CEP85: variants seen among roughly 807,000 people sequenced by gnomAD.
CEP85 encodes centrosomal protein 85.
In CEP85, 58 loss-of-function variants were observed where a neutral mutation model predicts 93.7. The observed-to-expected ratio is 0.62, with a 90% CI of 0.50 to 0.77. CEP85 has a LOEUF of 0.77. Ranked by LOEUF, CEP85 falls within the 30% of genes least tolerant of loss-of-function variation. The pLI, the probability that CEP85 is intolerant of heterozygous loss-of-function variation, is 0.00. For missense variants in CEP85, 868 were observed against 922.0 expected (o/e 0.94, Z 0.76); for synonymous variants, 314 against 338.6 (o/e 0.93, Z 0.80).
chr1:26,259,556 A>G (rs1218558513), intron 6 of CEP85, 61 bp from the exon 7 acceptor site: 2 of 1,411,608 alleles, frequency 1.4e-6, no homozygotes, highest in Non-Finnish European at 1.9e-6. Flanking sequence ...GCTGGGAATA[A>G]GTAAAGTACA....
Position 26,263,131 on chromosome 1 carries a change from C to T in CEP85, c.1341+3329C>T, listed in dbSNP as rs546585082. On this transcript the variant is annotated intron_variant, in intron 7 of 13. Coordinates refer to ENST00000451429, the MANE Select transcript of CEP85 (RefSeq NM_001319944.2). ...TTAGTTCCTGGGATGTTTTACAGTA[C>T]TCTGTCCAATCACATCTACATCTCT... The T allele has an allele frequency of 3.8e-5, 8 of 211,546 alleles. No individual in the cohort carries two copies. In the South Asian group the frequency reaches 6.9e-4, roughly 18 times the overall value. The allele number at this position is 211,546 out of a possible 1,614,324, so 13.1% of individuals were successfully genotyped here.
chr1:26,238,252 G>A (rs2089361355), intron 1 of CEP85, among the ~76,000 whole-genome samples: 2 of 131,614 alleles, frequency 1.5e-5, no homozygotes, highest in South Asian at 4.6e-4. Flanking sequence ...CCAGGCTGGA[G>A]TGCAATGGCG....
At chr1:26,236,529 A>G (rs1190097001) in intron 1 of CEP85, among the ~76,000 whole-genome samples, 1 of 152,060 alleles carries the variant, frequency 6.6e-6, no homozygotes, top group Non-Finnish European at 1.5e-5. Flanking sequence ...TGTCCCAAAA[A>G]TTTCCACCAG....
intron 1 of CEP85, 25 bp from the exon 2 acceptor site, chr1:26,239,737 G>C: frequency 7.3e-7 from 1 of 1,367,978 alleles, no homozygotes; most frequent in Non-Finnish European, 1.0e-6. Context: ...TCAGAGAACT[G>C]ACTGGTTATT....
Position 26,257,837 on chromosome 1 carries a change from C to G in CEP85, c.1037+107C>G, listed in dbSNP as rs1338405387. 7.2e-6 allele frequency: 9 copies of G among 1,254,800 alleles called. No homozygotes were observed. The African/African-American group carries it at 1.3e-4, about 19-fold the overall frequency. 77.7% of individuals were successfully genotyped at this position (1,254,800 alleles called of 1,614,324 possible). A position where few individuals can be genotyped will look rare whatever the true frequency, so the allele number is the denominator to read the frequency against. On this transcript the variant is annotated intron_variant, in intron 5 of 13. Coordinates refer to ENST00000451429, the MANE Select transcript of CEP85 (RefSeq NM_001319944.2). ...AAAGCATTCCTCCTCTGTTTAGGTC[C>G]ATGTCTTGCCTCATGGTGGAGGTAG... is the stretch of plus-strand genomic sequence containing the variant.
intron 9 of CEP85, among the ~76,000 whole-genome samples, chr1:26,269,954 T>A (rs2089950148): frequency 6.6e-6 from 1 of 151,984 alleles, no homozygotes; most frequent in South Asian, 2.1e-4. Flanking sequence ...GCCTGGCTAA[T>A]CTTTTTTGTA....
Position 26,277,212 on chromosome 1 carries a change from G to A in CEP85, c.2205G>A (p.Leu735=), listed in dbSNP as rs758251232. Reference sequence around the variant, plus strand: ...GGAAACTAGAAGAGGTTCAACAGCTGCGTCGTGACATTGAGGACTTAAGGA... The same window carrying A: ...GGAAACTAGAAGAGGTTCAACAGCTACGTCGTGACATTGAGGACTTAAGGA... The part of the protein sequence containing the change: ...IKRKLEEVQQ[L]RRDIEDLRTT... The change falls in exon 14 of 14, where the codon CTG becomes CTA. Residue 735 remains leucine (L), a synonymous_variant. Transcript: ENST00000451429. The A allele has an allele frequency of 1.3e-5, 21 of 1,614,008 alleles. No homozygotes were observed. In the African/African-American group the frequency reaches 2.8e-4, roughly 22 times the overall value.
chr1:26,263,763 A>G (rs2089849811), intron 7 of CEP85, among the ~76,000 whole-genome samples: 1 of 152,068 alleles, frequency 6.6e-6, no homozygotes, highest in Non-Finnish European at 1.5e-5. Context: ...CTTCTCTTTC[A>G]CCTGATATAT....
chr1:26,248,751 G>A (rs1447967973), intron 3 of CEP85, among the ~76,000 whole-genome samples: 1 of 43,058 alleles, frequency 2.3e-5, no homozygotes, highest in Non-Finnish European at 4.1e-5. Context: ...TTTTGAGACC[G>A]AGTCTCGCTC....
chr1:26,241,810 G>A (rs1220591938), intron 2 of CEP85, among the ~76,000 whole-genome samples: 2 of 150,554 alleles, frequency 1.3e-5, no homozygotes, highest in Admixed American at 1.3e-4. Context: ...GGCCCAGGCT[G>A]GAGTGCAGTG....
intron 7 of CEP85, among the ~76,000 whole-genome samples, chr1:26,266,133 C>T (rs563588266): frequency 1.1e-4 from 16 of 151,942 alleles, no homozygotes; most frequent in South Asian, 2.1e-4. Flanking sequence ...CGCTTGAACC[C>T]GGGAGGTGGA....
rs191069007 is a variant in CEP85 at position 26,268,109 on chromosome 1, C to T, written c.1342-374C>T. ...ATCCTAAATGGCAAAATTTGTTTAG[C>T]TTCCTACCTTCATTGCAGTAGAACA... On this transcript the variant is annotated intron_variant, in intron 7 of 13. Transcript: ENST00000451429. Among the ~76,000 whole-genome samples, 55 of 152,322 alleles carry T rather than the reference C, an allele frequency of 3.6e-4. No homozygotes were observed. In the Middle Eastern group the frequency reaches 0.014, roughly 38 times the overall value.
chr1:26,266,867 A>T (rs1201082040), intron 7 of CEP85, among the ~76,000 whole-genome samples: 1 of 152,262 alleles, frequency 6.6e-6, no homozygotes, highest in Non-Finnish European at 1.5e-5. Flanking sequence ...GTATATGATT[A>T]TTAGCAAACA....
intron 1 of CEP85, among the ~76,000 whole-genome samples, chr1:26,234,523 G>A (rs1287279591): frequency 6.6e-6 from 1 of 152,184 alleles, no homozygotes; most frequent in African/African-American, 2.4e-5. Context: ...TTTGCCGTCC[G>A]TGGTTCACCC....
At chr1:26,265,021 G>A (rs1020215271) in intron 7 of CEP85, among the ~76,000 whole-genome samples, 65 of 104,936 alleles carry the variant, frequency 6.2e-4, no homozygotes, top group African/African-American at 2.4e-3. Flanking sequence ...GTCTCGCTTT[G>A]TTGCCTGGGC....
chr1:26,276,474 G>A (rs2090053546), intron 12 of CEP85, 61 bp from the exon 13 acceptor site: 2 of 1,347,726 alleles, frequency 1.5e-6, no homozygotes, highest in Non-Finnish European at 2.1e-6. Context: ...ACACACTCAT[G>A]CACAGATACT....
At chr1:26,269,781 G>GTT (rs1557666724) in intron 9 of CEP85, among the ~76,000 whole-genome samples, 167 bp downstream of exon 9, 2 of 78,132 alleles carry the variant, frequency 2.6e-5, no homozygotes, top group African/African-American at 4.1e-5. Flanking sequence ...ATGGGAAGCG[G>GTT]CTTTTTTTTT....
At chr1:26,271,678 C>G (rs1373302207) in intron 10 of CEP85, 1 of 275,526 alleles carries the variant, frequency 3.6e-6, no homozygotes, top group Non-Finnish European at 6.9e-6. Flanking sequence ...AATTTTTAGC[C>G]ATGTCCTTGT....
chr1:26,259,288 G>A (rs1247797330), intron 6 of CEP85, among the ~76,000 whole-genome samples: 2 of 152,200 alleles, frequency 1.3e-5, no homozygotes, highest in Non-Finnish European at 2.9e-5. Context: ...AGTATACAAT[G>A]GCTTAGGTAT....
Sources: allele counts gnomAD v4.1 joint callset (sites outside exome capture counted in the v4.1 genomes callset), GRCh38; gene constraint gnomAD v4.1.1; transcripts MANE v1.5; gene names NCBI Gene and HGNC (gene_info 2026-07-23, HGNC 2026-07-21).